CRTAC1: variants seen among roughly 807,000 people sequenced by gnomAD.
The protein encoded by CRTAC1 is cartilage acidic protein 1, also known as acidic secreted protein in cartilage.
Under a neutral mutation model 67.8 loss-of-function variants are expected in CRTAC1, and 37 were observed. The ratio of observed to expected loss-of-function variants is 0.55; its 90% CI spans 0.42 to 0.72. The LOEUF is 0.72. CRTAC1 is among the 30% of genes least tolerant of loss of function. The pLI is 0.00. For synonymous variants in CRTAC1, 348 were observed against 371.0 expected, an observed-to-expected ratio of 0.94 and a Z score of 0.71; for missense variants, 780 against 931.6, an observed-to-expected ratio of 0.84 and a Z score of 2.12.
At chr10:97,933,231 TTAAC>T (rs1196887025) in intron 3 of CRTAC1, among the ~76,000 whole-genome samples, 14 of 152,156 alleles carry the variant, frequency 9.2e-5, no homozygotes, top group Admixed American at 6.5e-4. Context: ...AACTGAAAAA[TTAAC>T]TAAAACCGAC....
rs1437257188 is a variant in CRTAC1 at position 98,029,963 on chromosome 10, G to C, written c.24+486C>G. Among the ~76,000 whole-genome samples the C allele has an allele frequency of 3.3e-5, 5 of 152,138 alleles. No homozygotes were observed. The highest frequency in any genetic ancestry group is 1.2e-4 in the African/African-American group (5 of 41,464). Reference sequence around the variant, plus strand: ...GGAACTCGGCTTCCCAGGGGAGGAAGAGCCAGCCCGCGGGGCTCTTCCCCA... The same window carrying C: ...GGAACTCGGCTTCCCAGGGGAGGAACAGCCAGCCCGCGGGGCTCTTCCCCA... On this transcript the variant is annotated intron_variant, in intron 1 of 14. Transcript: ENST00000370597. The surrounding 1 kb of genome is among the most constrained non-coding windows in gnomAD (Gnocchi z 4.7).
At chr10:97,996,808 A>C (rs1256905994) in intron 2 of CRTAC1, among the ~76,000 whole-genome samples, 1 of 152,162 alleles carries the variant, frequency 6.6e-6, no homozygotes, top group Non-Finnish European at 1.5e-5. Context: ...AGCACTATTC[A>C]CAATAGCAAA....
At chr10:98,025,934 G>A (rs1843224111) in intron 1 of CRTAC1, among the ~76,000 whole-genome samples, 2 of 152,196 alleles carry the variant, frequency 1.3e-5, no homozygotes, top group African/African-American at 4.8e-5. Context: ...CCCTGAGGTG[G>A]GGCAGGGAAA....
At chr10:98,023,659 C>A (rs1422965527) in intron 1 of CRTAC1, among the ~76,000 whole-genome samples, 1 of 152,218 alleles carries the variant, frequency 6.6e-6, no homozygotes, top group Non-Finnish European at 1.5e-5. Context: ...TGTGCCACCC[C>A]TTAGAGGAAG....
chr10:97,959,710 T>C (rs1432803944), intron 2 of CRTAC1, among the ~76,000 whole-genome samples: 5 of 152,226 alleles, frequency 3.3e-5, no homozygotes, highest in African/African-American at 1.2e-4. Flanking sequence ...GGATATGTTG[T>C]CCAGCCCACT....
At chr10:97,904,622 T>A (rs552231296) in intron 7 of CRTAC1, 47 bp downstream of exon 7, 1 of 1,469,754 alleles carries the variant, frequency 6.8e-7, no homozygotes, top group African/African-American at 1.4e-5. Context: ...GGTTTTGCCA[T>A]GTTGGACAGG....
intron 2 of CRTAC1, among the ~76,000 whole-genome samples, chr10:97,985,190 G>A (rs2051960126): frequency 6.6e-6 from 1 of 152,140 alleles, no homozygotes; most frequent in Non-Finnish European, 1.5e-5. Flanking sequence ...GAGAATAGAT[G>A]CTAGGCACCA....
chr10:98,004,191 T>G (rs1842742157), intron 2 of CRTAC1, among the ~76,000 whole-genome samples: 1 of 152,222 alleles, frequency 6.6e-6, no homozygotes. Flanking sequence ...CAATGAAATT[T>G]CAGGGTTAAG....
At chr10:97,915,717 G>T (rs2050750533) in intron 5 of CRTAC1, among the ~76,000 whole-genome samples, 1 of 152,090 alleles carries the variant, frequency 6.6e-6, no homozygotes, top group Admixed American at 6.5e-5. Context: ...AGTGTTGGGG[G>T]GCTTGGCGGG....
chr10:97,877,987 T>C (rs1352928898), intron 14 of CRTAC1, among the ~76,000 whole-genome samples: 1 of 152,268 alleles, frequency 6.6e-6, no homozygotes, highest in Non-Finnish European at 1.5e-5. Context: ...GAACCATTCC[T>C]CCATGGGTTT....
chr10:97,962,916 A>C (rs2051551679), intron 2 of CRTAC1, among the ~76,000 whole-genome samples: 1 of 151,576 alleles, frequency 6.6e-6, no homozygotes, highest in South Asian at 2.1e-4. Context: ...AAAAAACAAA[A>C]CTTCTTCTCT....
chr10:97,960,043 G>C (rs1252479680), intron 2 of CRTAC1, among the ~76,000 whole-genome samples: 1 of 152,230 alleles, frequency 6.6e-6, no homozygotes, highest in Non-Finnish European at 1.5e-5. Flanking sequence ...AAGAAAACAG[G>C]TGTTCAGAAT....
intron 9 of CRTAC1, 81 bp downstream of exon 9, chr10:97,896,828 C>T (rs2050466191): frequency 1.7e-6 from 1 of 588,648 alleles, no homozygotes. Context: ...GGACTGGCTG[C>T]CCCGTCCCTC....
chr10:98,027,044 G>C (rs965906793), intron 1 of CRTAC1, among the ~76,000 whole-genome samples: 1 of 151,984 alleles, frequency 6.6e-6, no homozygotes, highest in African/African-American at 2.4e-5. Flanking sequence ...GCGGGCCCCT[G>C]TAGTCCCAGC....
chr10:97,970,982 C>A (rs752959501), intron 2 of CRTAC1, among the ~76,000 whole-genome samples: 30 of 152,218 alleles, frequency 2.0e-4, no homozygotes, highest in Non-Finnish European at 3.2e-4. Flanking sequence ...TGAAGCGTTT[C>A]TTTTAAAGTT....
chr10:97,879,853 G>T, intron 14 of CRTAC1: 3 of 1,211,998 alleles, frequency 2.5e-6, no homozygotes, highest in Non-Finnish European at 2.3e-6. Context: ...GAGAAAGGGG[G>T]TGGGGACGGG....
chr10:97,917,511 C>A lies in CRTAC1; in HGVS notation c.704G>T (p.Ser235Ile). ...GTCACTCTGCATACCTGTATATTTG[C>A]TGACCCCAGCCTCAGCAGCCACATC... The part of the protein sequence containing the change: ...LRDVAAEAGV[S>I]KYTGGRGVSV... Residue 235 changes from serine to isoleucine, a missense_variant, in exon 5 of 15, where the codon AGC becomes ATC. Coordinates refer to ENST00000370597, the MANE Select transcript of CRTAC1 (RefSeq NM_018058.7). 6.3e-7 allele frequency: 1 copy of A among 1,578,142 alleles called. No individual in the cohort carries two copies. Among genetic ancestry groups the A allele is most frequent in the Non-Finnish European group, 8.6e-7 (1 of 1,157,528 alleles).
intron 11 of CRTAC1, among the ~76,000 whole-genome samples, chr10:97,886,511 A>G (rs941236302): frequency 9.2e-5 from 14 of 152,124 alleles, no homozygotes; most frequent in African/African-American, 3.4e-4. Context: ...TCCAGGCCCA[A>G]CCTTACCGTT....
intron 1 of CRTAC1, among the ~76,000 whole-genome samples, chr10:98,027,913 T>C (rs1843271869): frequency 6.6e-6 from 1 of 152,242 alleles, no homozygotes; most frequent in Non-Finnish European, 1.5e-5. Context: ...TAGTTCCATG[T>C]CTTCCACCAA....
Sources: gnomAD v4.1 joint callset for allele counts (sites outside exome capture counted in the v4.1 genomes callset) on GRCh38, gnomAD v4.1.1 for gene constraint, Gnocchi (gnomAD v3.1) non-coding constraint, MANE v1.5 for transcripts, NCBI Gene and HGNC (gene_info 2026-07-23, HGNC 2026-07-21) for gene names.